FBXW7: variants seen among roughly 807,000 people sequenced by gnomAD.
FBXW7 encodes F-box and WD repeat domain containing 7, also known as F-box/WD repeat-containing protein 7.
A neutral mutation model predicts 86.3 loss-of-function variants in FBXW7; 11 were observed. The observed-to-expected ratio is 0.13, with a 90% CI of 0.08 to 0.21. The LOEUF (loss-of-function observed/expected upper bound fraction) is 0.21. Among genes scored for constraint, FBXW7 ranks in the 10% least tolerant of loss-of-function variants. The probability of loss-of-function intolerance (pLI) is 1.00; values close to 1 mark genes in which losing one functional copy is unlikely to be tolerated. For missense variants in FBXW7, 488 were observed against 847.4 expected, an observed-to-expected ratio of 0.58 and a Z score of 5.27; for synonymous variants, 313 against 297.9, an observed-to-expected ratio of 1.05 and a Z score of -0.52.
chr4:152,519,682 T>C (rs1299342607), intron 2 of FBXW7, among the ~76,000 whole-genome samples: 2 of 152,254 alleles, frequency 1.3e-5, no homozygotes, highest in Non-Finnish European at 2.9e-5. Flanking sequence ...TTATTTTGTA[T>C]AATGACATAA....
At chr4:152,391,531 G>A (rs1439047600) in intron 4 of FBXW7, among the ~76,000 whole-genome samples, 1 of 151,994 alleles carries the variant, frequency 6.6e-6, no homozygotes, top group Non-Finnish European at 1.5e-5. Flanking sequence ...AGATAAATAA[G>A]TCTAAGGAGA....
chr4:152,429,550 C>G (rs999799903), intron 2 of FBXW7, among the ~76,000 whole-genome samples: 2 of 152,094 alleles, frequency 1.3e-5, no homozygotes, highest in African/African-American at 4.8e-5. Flanking sequence ...ACCTTGTTTT[C>G]TCTTGATACA....
intron 2 of FBXW7, among the ~76,000 whole-genome samples, chr4:152,526,947 A>G (rs1749570268): frequency 6.6e-6 from 1 of 152,254 alleles, no homozygotes; most frequent in African/African-American, 2.4e-5. Flanking sequence ...GAATTACTTC[A>G]GTATTATTTG....
At chr4:152,476,057 G>C (rs1316834561) in intron 2 of FBXW7, among the ~76,000 whole-genome samples, 1 of 152,108 alleles carries the variant, frequency 6.6e-6, no homozygotes, top group Non-Finnish European at 1.5e-5. Context: ...CAAAATTTGA[G>C]AACACTAATT....
At chr4:152,355,297 T>G (rs993061536) in intron 4 of FBXW7, among the ~76,000 whole-genome samples, 7 of 152,186 alleles carry the variant, frequency 4.6e-5, no homozygotes, top group African/African-American at 1.4e-4. Context: ...TTTTTATGGG[T>G]TTGTGTCTGT....
intron 2 of FBXW7, among the ~76,000 whole-genome samples, chr4:152,483,718 C>CA (rs745561560): frequency 1.3e-3 from 189 of 150,058 alleles, no homozygotes; most frequent in African/African-American, 3.6e-3. Context: ...AAACAAAAAA[C>CA]AAAAAAAAAC....
At chr4:152,421,813 T>C (rs1368970981) in intron 2 of FBXW7, among the ~76,000 whole-genome samples, 2 of 152,088 alleles carry the variant, frequency 1.3e-5, no homozygotes, top group African/African-American at 4.8e-5. Flanking sequence ...GAACAGCTGG[T>C]TGGTGGAGTG....
chr4:152,478,642 A>G (rs574772686), intron 2 of FBXW7, among the ~76,000 whole-genome samples: 2 of 152,210 alleles, frequency 1.3e-5, no homozygotes, highest in East Asian at 3.9e-4. Context: ...GAACTGGTAA[A>G]CTGTCTTTCA....
At chr4:152,346,165 G>T (rs952259991) in intron 6 of FBXW7, among the ~76,000 whole-genome samples, 1 of 152,028 alleles carries the variant, frequency 6.6e-6, no homozygotes, top group African/African-American at 2.4e-5. Flanking sequence ...AATATTCAGG[G>T]TTTGGTTGTA....
chr4:152,349,562 T>C (rs2126646864), intron 5 of FBXW7, among the ~76,000 whole-genome samples: 1 of 152,050 alleles, frequency 6.6e-6, no homozygotes, highest in African/African-American at 2.4e-5. Context: ...AAGAAATGTA[T>C]GTGTTAAAAA....
chr4:152,376,958 G>A (rs773549608), intron 4 of FBXW7, among the ~76,000 whole-genome samples: 13 of 151,802 alleles, frequency 8.6e-5, no homozygotes, highest in Non-Finnish European at 1.9e-4. Context: ...AAACTTAAAA[G>A]GGATTACACA....
chr4:152,430,820 T>G (rs1338569038), intron 2 of FBXW7, among the ~76,000 whole-genome samples: 1 of 152,228 alleles, frequency 6.6e-6, no homozygotes, highest in Non-Finnish European at 1.5e-5. Context: ...AAGATGGATA[T>G]TCTTCTGACA....
chr4:152,457,313 A>G (rs1742503574), intron 2 of FBXW7, among the ~76,000 whole-genome samples: 1 of 152,174 alleles, frequency 6.6e-6, no homozygotes. Flanking sequence ...TCATGAGTGC[A>G]CATATACGTC....
rs2126878943 is a variant in FBXW7 at position 152,411,494 on chromosome 4, G to A, written c.310C>T (p.His104Tyr). Residue 104 changes from histidine to tyrosine, a missense_variant, in exon 4 of 14, where the codon CAT becomes TAT. His to Tyr is a moderately conservative substitution (Grantham distance 83). Transcript: ENST00000281708. Reference protein sequence around the residue: ...NQEEQEEDEEHAGEQDEEDEE... With the variant: ...NQEEQEEDEEYAGEQDEEDEE... ...TCCTCCTCATCTTGTTCACCAGCATGTTCTTCATCTTCCTCTTGTTCTTCT... is the reference window on the plus strand; with the variant it reads ...TCCTCCTCATCTTGTTCACCAGCATATTCTTCATCTTCCTCTTGTTCTTCT... 1.9e-6 allele frequency: 3 copies of A among 1,613,614 alleles called. No individual in the cohort carries two copies. The highest frequency in any genetic ancestry group is 2.5e-6 in the Non-Finnish European group (3 of 1,179,798).
intron 2 of FBXW7, among the ~76,000 whole-genome samples, chr4:152,436,530 G>GTGGC (rs1352382568): frequency 2.0e-5 from 3 of 152,218 alleles, no homozygotes; most frequent in Admixed American, 2.0e-4. Context: ...ACTGACGAAG[G>GTGGC]TGGCTACACT....
intron 4 of FBXW7, among the ~76,000 whole-genome samples, chr4:152,379,092 G>T (rs1021484425): frequency 6.6e-6 from 1 of 151,982 alleles, no homozygotes; most frequent in African/African-American, 2.4e-5. Flanking sequence ...AGAAAAAAAT[G>T]TTGCTAGGTA....
intron 4 of FBXW7, among the ~76,000 whole-genome samples, chr4:152,397,723 A>T (rs1199358754): frequency 7.1e-6 from 1 of 141,540 alleles, no homozygotes; most frequent in African/African-American, 2.7e-5. Context: ...AAAAAAAAAA[A>T]TTGAGGAAGA....
At chr4:152,514,186 G>C (rs915428006) in intron 2 of FBXW7, among the ~76,000 whole-genome samples, 3 of 152,092 alleles carry the variant, frequency 2.0e-5, no homozygotes, top group Non-Finnish European at 2.9e-5. Flanking sequence ...CATTCCATTG[G>C]ACAATGCTGT....
chr4:152,443,566 C>A (rs952042509), intron 2 of FBXW7, among the ~76,000 whole-genome samples: 1 of 152,040 alleles, frequency 6.6e-6, no homozygotes, highest in African/African-American at 2.4e-5. Flanking sequence ...CTGACTCCTG[C>A]ATATAGTTGG....
Sources: allele counts gnomAD v4.1 joint callset (sites outside exome capture counted in the v4.1 genomes callset), GRCh38; gene constraint gnomAD v4.1.1; transcripts MANE v1.5; gene names NCBI Gene and HGNC (gene_info 2026-07-23, HGNC 2026-07-21).